The following MTR variants were observed in gnomAD, a reference collection of about 807,000 sequenced individuals.
MTR encodes methionine synthase.
A neutral mutation model predicts 154.8 loss-of-function variants in MTR; 84 were observed. The ratio of observed to expected loss-of-function variants is 0.54; its 90% CI spans 0.45 to 0.65. The LOEUF (loss-of-function observed/expected upper bound fraction) is 0.65, where lower values mean the gene tolerates loss of function less well. Ranked by LOEUF, MTR falls within the 30% of genes least tolerant of loss-of-function variation. The pLI is 0.00. For missense variants in MTR, 1,275 were observed against 1,570.2 expected (o/e 0.81, Z 3.18); for synonymous variants, 554 against 553.9 (o/e 1.00, Z 0.00).
chr1:236,894,401 A>C lies in MTR; in HGVS notation c.3249A>C (p.Ser1083=), dbSNP rs1666504758. ...SASTEPYYCL[S]DFIAPLHSGI... Reference sequence around the variant, plus strand: ...GCACGGAGCCATACTACTGCCTCTCAGACTTCATCGCTCCCTTGCATTCTG... The same window carrying C: ...GCACGGAGCCATACTACTGCCTCTCCGACTTCATCGCTCCCTTGCATTCTG... The change falls in exon 30 of 33, where the codon TCA becomes TCC. Residue 1083 remains serine (S), a synonymous_variant. Coordinates refer to ENST00000366577, the MANE Select transcript of MTR (RefSeq NM_000254.3). The C allele has an allele frequency of 1.9e-6, 3 of 1,614,212 alleles. No homozygotes were observed. In the East Asian group the frequency reaches 6.7e-5, roughly 36 times the overall value.
At chr1:236,896,782 C>G (rs1313869556) in intron 31 of MTR, among the ~76,000 whole-genome samples, 1 of 152,144 alleles carries the variant, frequency 6.6e-6, no homozygotes, top group Admixed American at 6.5e-5. Flanking sequence ...GCCTGTCCCC[C>G]TGGGTTAGAG....
chr1:236,852,723 G>A (rs1000145901), intron 17 of MTR, 86 bp downstream of exon 17: 3 of 1,267,742 alleles, frequency 2.4e-6, no homozygotes, highest in East Asian at 2.3e-5. Context: ...GGCTAAGTCC[G>A]GCCTGCTGCC....
At chr1:236,897,310 G>GCGCGCGCGCGCGCGCGCACA in intron 32 of MTR, among the ~76,000 whole-genome samples, 192 bp downstream of exon 32, 4 of 128,612 alleles carry the variant, frequency 3.1e-5, no homozygotes, top group East Asian at 2.3e-4. Context: ...CCACACACAC[G>GCGCGCGCGCGCGCGCGCACA]CACACACACA....
intron 8 of MTR, among the ~76,000 whole-genome samples, chr1:236,821,051 C>T (rs1017338998): frequency 6.6e-6 from 1 of 152,186 alleles, no homozygotes; most frequent in African/African-American, 2.4e-5. Flanking sequence ...CTGTCATATT[C>T]TACTTTCTAT....
chr1:236,813,425 G>A (rs188246556), intron 6 of MTR, among the ~76,000 whole-genome samples: 8 of 152,244 alleles, frequency 5.3e-5, no homozygotes, highest in African/African-American at 7.2e-5. Context: ...GGGTATATGC[G>A]TTGTTAATTT....
chr1:236,804,172 A>T (rs919600096), intron 2 of MTR, among the ~76,000 whole-genome samples: 1 of 152,232 alleles, frequency 6.6e-6, no homozygotes, highest in African/African-American at 2.4e-5. Context: ...CAGAGAGAGA[A>T]CAAAAAACTC....
intron 11 of MTR, 56 bp from the exon 12 acceptor site, chr1:236,829,133 C>T: frequency 7.4e-7 from 1 of 1,355,294 alleles, no homozygotes; most frequent in South Asian, 1.2e-5. Context: ...AAATTAGTTT[C>T]ATTAAATATA....
intron 30 of MTR, 99 bp downstream of exon 30, chr1:236,894,656 G>A: frequency 2.7e-6 from 3 of 1,095,070 alleles, no homozygotes; most frequent in Non-Finnish European, 1.3e-6. Flanking sequence ...TAGAACCAGT[G>A]TCTTTTTTTT....
At chr1:236,855,740 C>G (rs555334287) in intron 18 of MTR, among the ~76,000 whole-genome samples, 1 of 152,202 alleles carries the variant, frequency 6.6e-6, no homozygotes, top group African/African-American at 2.4e-5. Context: ...CGTACAGATA[C>G]AAGGAGTAGC....
chr1:236,871,042 A>C (rs1261423089), intron 22 of MTR, among the ~76,000 whole-genome samples: 2 of 152,038 alleles, frequency 1.3e-5, no homozygotes, highest in Non-Finnish European at 2.9e-5. Flanking sequence ...TCCCAAGTAA[A>C]TCTGTTAAAT....
rs372302445 is a variant in MTR at position 236,838,409 on chromosome 1, C to T, written c.1330-5C>T. 6.2e-7 allele frequency: 1 copy of T among 1,613,956 alleles called. No individual in the cohort carries two copies. Among genetic ancestry groups the T allele is most frequent in the African/African-American group, 1.3e-5 (1 of 74,894 alleles). On this transcript the variant is annotated splice_region_variant and splice_polypyrimidine_tract_variant and intron_variant, in intron 14 of 32. Coordinates refer to ENST00000366577, the MANE Select transcript of MTR (RefSeq NM_000254.3). ...TGTGTGATTTTCTTGCCTTTCTGATCTCAGGTACCTTTGTGCATCGACTCC... is the reference window on the plus strand; with the variant it reads ...TGTGTGATTTTCTTGCCTTTCTGATTTCAGGTACCTTTGTGCATCGACTCC...
intron 15 of MTR, among the ~76,000 whole-genome samples, chr1:236,842,805 G>T (rs954778206): frequency 1.0e-4 from 12 of 115,758 alleles, no homozygotes; most frequent in Admixed American, 6.1e-4. Flanking sequence ...TATATAATTG[G>T]CCAGGTGCAG....
intron 32 of MTR, among the ~76,000 whole-genome samples, 192 bp downstream of exon 32, chr1:236,897,310 GCACA>G (rs57786802): frequency 1.2e-3 from 152 of 128,664 alleles, no homozygotes; most frequent in South Asian, 8.5e-3. Flanking sequence ...CCACACACAC[GCACA>G]CACACACACA....
At chr1:236,897,310 GCACACACACACACACA>G (rs57786802) in intron 32 of MTR, among the ~76,000 whole-genome samples, 192 bp downstream of exon 32, 4 of 128,614 alleles carry the variant, frequency 3.1e-5, no homozygotes, top group African/African-American at 8.3e-5. Context: ...CCACACACAC[GCACACACACACACACA>G]CACACACACA....
At chr1:236,796,612 ATTCTTGGG>A (rs139665928) in intron 1 of MTR, among the ~76,000 whole-genome samples, 5,636 of 152,178 alleles carry the variant, frequency 0.037, 323 homozygotes, top group African/African-American at 0.12. Context: ...GACTCTCTTG[ATTCTTGGG>A]TTCTGATAAC....
chr1:236,862,183 G>A (rs1379865530), intron 20 of MTR, 53 bp from the exon 21 acceptor site: 2 of 1,445,092 alleles, frequency 1.4e-6, no homozygotes, highest in Non-Finnish European at 1.9e-6. Context: ...GTGGCCATCA[G>A]CAGTTGTTCC....
intron 27 of MTR, among the ~76,000 whole-genome samples, chr1:236,888,246 C>T (rs893281369): frequency 1.3e-5 from 2 of 152,188 alleles, no homozygotes; most frequent in Admixed American, 6.5e-5. Flanking sequence ...TCGGATACGG[C>T]AATGGAGCCA....
Position 236,829,042 on chromosome 1 carries a change from G to A in MTR, c.996-147G>A, listed in dbSNP as rs753521077. ...GAGAAAACTAAAAGGCATGATTGTT[G>A]CTGCACACTTGGAAGTAGGTATATA... On this transcript the variant is annotated intron_variant, in intron 11 of 32. Transcript: ENST00000366577. 1.6e-4 allele frequency: 102 copies of A among 654,640 alleles called. 1 individual carries two copies. The highest frequency in any genetic ancestry group is 2.2e-4 in the Non-Finnish European group (82 of 374,824). The allele number at this position is 654,640 out of a possible 1,614,324, so 40.6% of individuals were successfully genotyped here.
Position 236,795,321 on chromosome 1 carries a change from A to G in MTR, c.-383A>G, listed in dbSNP as rs2102980348. The G allele has an allele frequency of 1.6e-6, 2 of 1,268,596 alleles. No homozygotes were observed. Among genetic ancestry groups the G allele is most frequent in the African/African-American group, 1.5e-5 (1 of 65,838 alleles). The allele number at this position is 1,268,596 out of a possible 1,614,324, so 78.6% of individuals were successfully genotyped here. ...CTAACCGCGCTCTGAAAGGTTCTAA[A>G]TGTCTGCGGGGCTCAGAGCCGGATG... On this transcript the variant is annotated 5_prime_UTR_variant, in exon 1 of 33. It removes an upstream start codon present in the reference 5' UTR. Coordinates refer to ENST00000366577, the MANE Select transcript of MTR (RefSeq NM_000254.3).
Sources: allele counts gnomAD v4.1 joint callset (sites outside exome capture counted in the v4.1 genomes callset), GRCh38; gene constraint gnomAD v4.1.1; transcripts MANE v1.5; gene names NCBI Gene and HGNC (gene_info 2026-07-23, HGNC 2026-07-21).